Variants in ZFP69 observed in about 807,000 individuals in gnomAD.
ZFP69 encodes the protein zinc finger protein 69 homolog.
A neutral mutation model predicts 48.9 loss-of-function variants in ZFP69; 35 were observed. The observed-to-expected ratio is 0.72, with a 90% CI of 0.55 to 0.95. ZFP69 has a LOEUF of 0.95. ZFP69 is among the 40% of genes least tolerant of loss of function. The pLI, the probability that ZFP69 is intolerant of heterozygous loss-of-function variation, is 0.00. For synonymous variants in ZFP69, 193 were observed against 216.8 expected, an observed-to-expected ratio of 0.89 and a Z score of 0.96; for missense variants, 557 against 638.4, an observed-to-expected ratio of 0.87 and a Z score of 1.37.
At chr1:40,482,734 C>T (rs898372969) in intron 3 of ZFP69, among the ~76,000 whole-genome samples, 3 of 152,078 alleles carry the variant, frequency 2.0e-5, no homozygotes, top group African/African-American at 7.2e-5. Flanking sequence ...AAGTGGACTT[C>T]TGGAAAAGGA....
At chr1:40,481,257 T>C (rs1487515906) in intron 2 of ZFP69, among the ~76,000 whole-genome samples, 1 of 152,114 alleles carries the variant, frequency 6.6e-6, no homozygotes, top group Non-Finnish European at 1.5e-5. Context: ...ACTGAGAATC[T>C]TTAGTCTGAA....
In ZFP69 at chr1:40,496,202, C is replaced by A; in HGVS notation, c.*143C>A. ...CCATTGTAAATAAACATTACATTGA[C>A]AGGTATTGACTACTAACACCTCTAA... On this transcript the variant is annotated 3_prime_UTR_variant, in exon 6 of 6. Transcript: ENST00000372706. The A allele has an allele frequency of 1.3e-6, 1 of 789,092 alleles. No individual in the cohort carries two copies. Among genetic ancestry groups the A allele is most frequent in the Non-Finnish European group, 1.9e-6 (1 of 517,248 alleles). 48.9% of individuals were successfully genotyped at this position (789,092 alleles called of 1,614,324 possible). A position where few individuals can be genotyped will look rare whatever the true frequency, so the allele number is the denominator to read the frequency against.
At chr1:40,492,791 A>C (rs1173928362) in intron 5 of ZFP69, among the ~76,000 whole-genome samples, 1 of 152,214 alleles carries the variant, frequency 6.6e-6, no homozygotes, top group Non-Finnish European at 1.5e-5. Flanking sequence ...GTAACATTTC[A>C]GGATTTTCTC....
chr1:40,494,862 T>A (rs1362040033), intron 5 of ZFP69, 59 bp from the exon 6 acceptor site: 3 of 1,453,046 alleles, frequency 2.1e-6, no homozygotes, highest in East Asian at 4.5e-5. Context: ...GTTGTCTAAA[T>A]CTCTGTTCCA....
intron 3 of ZFP69, among the ~76,000 whole-genome samples, chr1:40,487,841 G>A (rs2124451417): frequency 6.6e-6 from 1 of 152,066 alleles, no homozygotes; most frequent in East Asian, 1.9e-4. Context: ...GAGGCCAGGA[G>A]TTCGAGACCA....
At chr1:40,486,620 C>T (rs1025151463) in intron 3 of ZFP69, among the ~76,000 whole-genome samples, 2 of 151,158 alleles carry the variant, frequency 1.3e-5, no homozygotes, top group African/African-American at 4.9e-5. Context: ...CAGGGTCTTC[C>T]TATGTTGCCT....
At chr1:40,488,170 T>TACACAC (rs35093961) in intron 3 of ZFP69, among the ~76,000 whole-genome samples, 8 of 147,552 alleles carry the variant, frequency 5.4e-5, no homozygotes, top group East Asian at 1.9e-4. Context: ...TTTGTATGTA[T>TACACAC]ACACACACAC....
At chr1:40,485,938 C>G (rs1293539320) in intron 3 of ZFP69, among the ~76,000 whole-genome samples, 1 of 152,088 alleles carries the variant, frequency 6.6e-6, no homozygotes, top group African/African-American at 2.4e-5. Flanking sequence ...GAGTCTTGCT[C>G]TGTCACCCAG....
At chr1:40,482,925 T>C (rs1645456665) in intron 3 of ZFP69, among the ~76,000 whole-genome samples, 2 of 152,174 alleles carry the variant, frequency 1.3e-5, no homozygotes, top group Non-Finnish European at 2.9e-5. Context: ...ATGTAACCAG[T>C]AGACAAAAAC....
chr1:40,488,541 T>A (rs1645528545), intron 3 of ZFP69, among the ~76,000 whole-genome samples: 1 of 152,188 alleles, frequency 6.6e-6, no homozygotes, highest in Non-Finnish European at 1.5e-5. Flanking sequence ...CTGTTCCTCA[T>A]CTCCACCTCT....
Position 40,496,264 on chromosome 1 carries a change from A to C in ZFP69, c.*205A>C. On this transcript the variant is annotated 3_prime_UTR_variant, in exon 6 of 6. Transcript: ENST00000372706. ...GATTAAAATCTGGTCCTTAAAATTA[A>C]ATGAATTCAGCATTATGAAAAATTC... 1 of 439,792 alleles carries C rather than the reference A, an allele frequency of 2.3e-6. No individual in the cohort carries two copies. Among genetic ancestry groups the C allele is most frequent in the East Asian group, 3.4e-5 (1 of 29,304 alleles). 27.2% of individuals were successfully genotyped at this position (439,792 alleles called of 1,614,324 possible). A position where few individuals can be genotyped will look rare whatever the true frequency, so the allele number is the denominator to read the frequency against.
chr1:40,489,032 C>T (rs1385039536), intron 3 of ZFP69, 56 bp from the exon 4 acceptor site: 1 of 1,609,798 alleles, frequency 6.2e-7, no homozygotes, highest in Non-Finnish European at 8.5e-7. Context: ...GTCAGAACTC[C>T]TTGGAACTTA....
At position 40,489,089 on chromosome 1, in the gene ZFP69, A is replaced by T; in HGVS notation, c.221A>T (p.Glu74Val). 1 of 1,613,678 alleles carries T rather than the reference A, an allele frequency of 6.2e-7. No individual in the cohort carries two copies. The highest frequency in any genetic ancestry group is 8.5e-7 in the Non-Finnish European group (1 of 1,179,964). ...TPGLPTAESQ[E>V]LLTFKDISID... ...AAATGAATGTATTTGATGTTCTAGG[A>T]ATTGTTGACTTTCAAGGACATATCT... is the stretch of plus-strand genomic sequence containing the variant. The change falls in exon 4 of 6, where the codon GAA (glutamate) becomes GTA (valine). Residue 74 changes from glutamate (E) to valine (V), a missense_variant and splice_region_variant. Transcript: ENST00000372706.
In ZFP69 at chr1:40,481,640, C is replaced by G. The variant is rs1645444500; in HGVS notation, c.128-123C>G. The G allele has an allele frequency of 4.4e-6, 3 of 681,096 alleles. No homozygotes were observed. In the African/African-American group the frequency reaches 5.3e-5, roughly 12 times the overall value. 42.2% of individuals were successfully genotyped at this position (681,096 alleles called of 1,614,324 possible). A position where few individuals can be genotyped will look rare whatever the true frequency, so the allele number is the denominator to read the frequency against. On this transcript the variant is annotated intron_variant, in intron 2 of 5. Coordinates refer to ENST00000372706, the MANE Select transcript of ZFP69 (RefSeq NM_001320179.2). ...GAGGCTTCAGGCTGCTCTTGAGTCA[C>G]TCTCAGTGTCCCTCTTTGTGAACCT...
intron 3 of ZFP69, among the ~76,000 whole-genome samples, chr1:40,487,008 T>C (rs1460785686): frequency 2.1e-5 from 3 of 145,604 alleles, no homozygotes; most frequent in Non-Finnish European, 1.5e-5. Flanking sequence ...CACTGCAACC[T>C]CCGCCTCCCG....
rs11286167 is a variant in ZFP69 at position 40,494,256 on chromosome 1, A to ATTTTTT, written c.443-640_443-635dup. Among the ~76,000 whole-genome samples, 105 of 52,066 alleles carry ATTTTTT rather than the reference A, an allele frequency of 2.0e-3. 1 individual carries two copies. Among genetic ancestry groups the ATTTTTT allele is most frequent in the Non-Finnish European group, 2.3e-3 (69 of 30,052 alleles). The allele number at this position is 52,066 out of a possible 152,430, so 34.2% of individuals were successfully genotyped here. ...TTAGAGCAGGACTAAAAGATTCAAA[A>ATTTTTT]TTTTTTTTTTTTTTTTTTTTTTTTT... On this transcript the variant is annotated intron_variant, in intron 5 of 5. Transcript: ENST00000372706.
chr1:40,480,521 T>C (rs1362119733), intron 2 of ZFP69, among the ~76,000 whole-genome samples: 1 of 151,852 alleles, frequency 6.6e-6, no homozygotes, highest in East Asian at 1.9e-4. Context: ...GGAACACAGT[T>C]AGATGCCTCT....
chr1:40,481,001 G>T lies in ZFP69; in HGVS notation c.128-762G>T, dbSNP rs371872686. On this transcript the variant is annotated intron_variant, in intron 2 of 5. Transcript: ENST00000372706. ...TTTTTATATTTTTAGTAGAGCTGGG[G>T]TTTCACCATAATGGCCAGGCTGGTC... 8.1e-4 allele frequency among the ~76,000 whole-genome samples: 123 copies of T among 152,266 alleles called. 1 individual carries two copies. In the East Asian group the frequency reaches 0.018, roughly 22 times the overall value.
intron 2 of ZFP69, among the ~76,000 whole-genome samples, chr1:40,481,082 C>T (rs1645438812): frequency 3.3e-5 from 5 of 152,212 alleles, no homozygotes. Flanking sequence ...TCTGAGATTA[C>T]AGGCATGAGC....
Sources: allele counts gnomAD v4.1 joint callset (sites outside exome capture counted in the v4.1 genomes callset), GRCh38; gene constraint gnomAD v4.1.1; transcripts MANE v1.5; gene names NCBI Gene and HGNC (gene_info 2026-07-23, HGNC 2026-07-21).